PARP1: variants seen among roughly 807,000 people sequenced by gnomAD.
PARP1 encodes the protein poly(ADP-ribose) polymerase 1, also known as poly [ADP-ribose] polymerase 1.
PARP1 carries 44 observed loss-of-function variants against 118.7 expected under a neutral mutation model. The ratio of observed to expected loss-of-function variants is 0.37; its 90% CI spans 0.29 to 0.48. The LOEUF (loss-of-function observed/expected upper bound fraction) is 0.48. Among genes scored for constraint, PARP1 ranks in the 20% least tolerant of loss-of-function variants. PARP1 has a pLI of 0.99. For synonymous variants in PARP1, 492 were observed against 483.2 expected, an observed-to-expected ratio of 1.02 and a Z score of -0.24; for missense variants, 1,100 against 1,272.4, an observed-to-expected ratio of 0.86 and a Z score of 2.06.
At chr1:226,392,131 T>G in intron 3 of PARP1, 68 bp downstream of exon 3, 28 of 1,057,666 alleles carry the variant, frequency 2.6e-5, no homozygotes, top group South Asian at 3.8e-5. Flanking sequence ...TCTTTTCTCT[T>G]GAGATAGCCA....
At chr1:226,388,123 G>T (rs1400373410) in intron 5 of PARP1, among the ~76,000 whole-genome samples, 5 of 152,178 alleles carry the variant, frequency 3.3e-5, no homozygotes, top group Non-Finnish European at 7.3e-5. Flanking sequence ...TCAACACAGG[G>T]ATGAATCTTT....
chr1:226,365,221 C>T (rs1347785814), intron 18 of PARP1, 67 bp from the exon 19 acceptor site: 10 of 1,538,088 alleles, frequency 6.5e-6, no homozygotes, highest in Admixed American at 1.7e-5. Context: ...GACTGAAAGA[C>T]AGGACTGGAT....
intron 16 of PARP1, 151 bp from the exon 17 acceptor site, chr1:226,367,759 A>T: frequency 1.2e-6 from 1 of 864,522 alleles, no homozygotes; most frequent in Non-Finnish European, 1.9e-6. Flanking sequence ...TACCTGCTGC[A>T]CATATTGAGA....
At chr1:226,388,854 T>A (rs1664770141) in intron 4 of PARP1, 99 bp from the exon 5 acceptor site, 1 of 913,820 alleles carries the variant, frequency 1.1e-6, no homozygotes, top group Non-Finnish European at 1.8e-6. Flanking sequence ...TTCTATCAAC[T>A]CCCTGTAGGG....
At chr1:226,399,533 T>C (rs1664987934) in intron 2 of PARP1, among the ~76,000 whole-genome samples, 6 of 152,140 alleles carry the variant, frequency 3.9e-5, no homozygotes, top group Admixed American at 3.9e-4. Context: ...GAGGAATGAC[T>C]AGGCAAAGCA....
At position 226,377,319 on chromosome 1, in the gene PARP1, G is replaced by A. The variant is rs1308496010; in HGVS notation, c.1746-16C>T. 6.2e-7 allele frequency: 1 copy of A among 1,605,864 alleles called. No individual in the cohort carries two copies. Among genetic ancestry groups the A allele is most frequent in the Non-Finnish European group, 8.5e-7 (1 of 1,172,588 alleles). ...TATCCAATACCTGCAGTGGGAAGGA[G>A]GGTGTCAGATACACATGTGTGGGTC... On this transcript the variant is annotated splice_polypyrimidine_tract_variant and intron_variant, in intron 12 of 22. Coordinates refer to ENST00000366794, the MANE Select transcript of PARP1 (RefSeq NM_001618.4).
chr1:226,397,629 G>C (rs528320151), intron 2 of PARP1, among the ~76,000 whole-genome samples: 2 of 152,244 alleles, frequency 1.3e-5, no homozygotes, highest in East Asian at 3.9e-4. Flanking sequence ...CCTGAGATCT[G>C]GTTGTTGAAA....
At chr1:226,375,857 T>C (rs192629053) in intron 13 of PARP1, among the ~76,000 whole-genome samples, 51 of 152,296 alleles carry the variant, frequency 3.3e-4, no homozygotes. Flanking sequence ...AAGCAGATGG[T>C]TGTAACATGG....
intron 13 of PARP1, among the ~76,000 whole-genome samples, chr1:226,374,934 C>A (rs1005114981): frequency 6.6e-6 from 1 of 152,182 alleles, no homozygotes; most frequent in Non-Finnish European, 1.5e-5. Flanking sequence ...GCCTAATAGA[C>A]TATTGAGACT....
intron 4 of PARP1, among the ~76,000 whole-genome samples, chr1:226,389,094 T>C (rs1002006757): frequency 2.9e-4 from 44 of 150,082 alleles, no homozygotes; most frequent in African/African-American, 9.5e-4. Flanking sequence ...AAGAAACCCA[T>C]GTATCTCCTG....
At chr1:226,399,221 C>T (rs917352468) in intron 2 of PARP1, among the ~76,000 whole-genome samples, 1 of 151,764 alleles carries the variant, frequency 6.6e-6, no homozygotes, top group African/African-American at 2.4e-5. Context: ...TACAGGTGCA[C>T]ACCACCACAC....
chr1:226,381,548 G>T (rs1171410792), intron 8 of PARP1, among the ~76,000 whole-genome samples: 2 of 142,506 alleles, frequency 1.4e-5, no homozygotes, highest in Non-Finnish European at 3.0e-5. Context: ...GGCTGGAGTC[G>T]GATGGGAAGA....
chr1:226,360,978 T>A lies in PARP1; in HGVS notation c.*482A>T. ...AAAAAACTAAAAAGGGGACAATAAG[T>A]GCAAGATAAAAAAGAAAATCTAAAT... On this transcript the variant is annotated 3_prime_UTR_variant, in exon 23 of 23. Transcript: ENST00000366794. 1 of 231,210 alleles carries A rather than the reference T, an allele frequency of 4.3e-6. No homozygotes were observed. The highest frequency in any genetic ancestry group is 1.4e-4 in the South Asian group (1 of 7,150). The allele number at this position is 231,210 out of a possible 1,614,324, so 14.3% of individuals were successfully genotyped here.
Position 226,408,049 on chromosome 1 carries a change from A to G in PARP1, c.-120T>C, listed in dbSNP as rs962549011. The G allele has an allele frequency of 5.9e-5, 84 of 1,435,614 alleles. No homozygotes were observed. Among genetic ancestry groups the G allele is most frequent in the Non-Finnish European group, 2.7e-5 (28 of 1,043,330 alleles). 88.9% of individuals were successfully genotyped at this position (1,435,614 alleles called of 1,614,324 possible). On this transcript the variant is annotated 5_prime_UTR_variant, in exon 1 of 23. Transcript: ENST00000366794. ...AGGCGCCTGAGCGGCCAGAGCCGCC[A>G]CCGAACACGCCGCACCGGCCACCGC... is the stretch of plus-strand genomic sequence containing the variant.
chr1:226,365,466 A>G (rs1664239331), intron 18 of PARP1, among the ~76,000 whole-genome samples: 1 of 152,252 alleles, frequency 6.6e-6, no homozygotes, highest in Non-Finnish European at 1.5e-5. Context: ...TTAAAACAGA[A>G]TAAAAAGCCA....
chr1:226,392,664 C>G, intron 2 of PARP1: 1 of 537,538 alleles, frequency 1.9e-6, no homozygotes, highest in South Asian at 2.4e-5. Context: ...AGCATACTGA[C>G]GTCTCACTAA....
At chr1:226,398,599 A>G (rs1664970333) in intron 2 of PARP1, among the ~76,000 whole-genome samples, 1 of 152,204 alleles carries the variant, frequency 6.6e-6, no homozygotes, top group Non-Finnish European at 1.5e-5. Flanking sequence ...GATGGTAAAT[A>G]AACGTATGAG....
chr1:226,370,825 T>C (rs1403074679), intron 14 of PARP1: 4 of 403,654 alleles, frequency 9.9e-6, no homozygotes, highest in Non-Finnish European at 1.9e-5. Flanking sequence ...ATAATTCCCA[T>C]CCAATTCTGA....
At chr1:226,379,077 C>T (rs910253422) in intron 12 of PARP1, 65 bp downstream of exon 12, 3 of 1,602,522 alleles carry the variant, frequency 1.9e-6, no homozygotes, top group Admixed American at 1.7e-5. Flanking sequence ...GCTGATGGCA[C>T]AGCACTAACC....
Sources: gnomAD v4.1 joint callset for allele counts (sites outside exome capture counted in the v4.1 genomes callset) on GRCh38, gnomAD v4.1.1 for gene constraint, MANE v1.5 for transcripts, NCBI Gene and HGNC (gene_info 2026-07-23, HGNC 2026-07-21) for gene names.